PLG: variants seen among roughly 807,000 people sequenced by gnomAD.
PLG encodes the protein plasminogen.
PLG carries 41 observed loss-of-function variants against 104.4 expected under a neutral mutation model. The observed-to-expected ratio is 0.39, with a 90% CI of 0.31 to 0.51. PLG has a LOEUF of 0.51. Ranked by LOEUF, PLG falls within the 20% of genes least tolerant of loss-of-function variation. PLG has a pLI of 0.76. For missense variants in PLG, 891 were observed against 1,003.6 expected, an observed-to-expected ratio of 0.89 and a Z score of 1.52; for synonymous variants, 337 against 357.1, an observed-to-expected ratio of 0.94 and a Z score of 0.63.
At position 160,738,179 on chromosome 6, in the gene PLG, A is replaced by C. The variant is rs779814216; in HGVS notation, c.1803-359A>C. On this transcript the variant is annotated intron_variant, in intron 14 of 18. Coordinates refer to ENST00000308192, the MANE Select transcript of PLG (RefSeq NM_000301.5). This position sits in a 1 kb window ranked among gnomAD's most constrained non-coding sequence, Gnocchi z 6.8. ...TTACATAGATCTTGTCATAAAAATG[A>C]AAGAGGCCTCGGGGGAAGGTCTTGG... is the stretch of plus-strand genomic sequence containing the variant. Among the ~76,000 whole-genome samples, 2 of 152,196 alleles carry C rather than the reference A, an allele frequency of 1.3e-5. No individual in the cohort carries two copies. Among genetic ancestry groups the C allele is most frequent in the Non-Finnish European group, 2.9e-5 (2 of 68,038 alleles).
intron 10 of PLG, among the ~76,000 whole-genome samples, chr6:160,729,754 A>G (rs1261000848): frequency 6.6e-6 from 1 of 152,214 alleles, no homozygotes; most frequent in African/African-American, 2.4e-5. Context: ...TTGAATGAGC[A>G]GTGACACAGG....
rs761570407 is a variant in PLG at position 160,731,720 on chromosome 6, A to G, written c.1439-25A>G. ...ATCCTGGGTCTCTGTGGCTCTTCATAATCATCCATTTTTTCCCTGTACAGA... is the reference window on the plus strand; with the variant it reads ...ATCCTGGGTCTCTGTGGCTCTTCATGATCATCCATTTTTTCCCTGTACAGA... On this transcript the variant is annotated intron_variant, in intron 11 of 18. Transcript: ENST00000308192. The surrounding 1 kb of genome is among the most constrained non-coding windows in gnomAD (Gnocchi z 5.1). The G allele has an allele frequency of 6.2e-7, 1 of 1,611,570 alleles. No individual in the cohort carries two copies. The highest frequency in any genetic ancestry group is 2.2e-5 in the East Asian group (1 of 44,862).
intron 9 of PLG, among the ~76,000 whole-genome samples, chr6:160,720,842 CT>C (rs1386936859): frequency 6.6e-6 from 1 of 152,144 alleles, no homozygotes; most frequent in Non-Finnish European, 1.5e-5. Context: ...GTTTGGGATT[CT>C]AAGTACCCAC....
Position 160,744,390 on chromosome 6 carries a change from G to T in PLG, c.2125+2973G>T, listed in dbSNP as rs1402008416. The stretch of plus-strand genomic sequence containing the variant: ...ATTTCTTCCTGGTTCAGTCTTGGGA[G>T]GGTGTATGTGTCCAGGAATTTATCC... On this transcript the variant is annotated intron_variant, in intron 17 of 18. Transcript: ENST00000308192. This position sits in a 1 kb window ranked among gnomAD's most constrained non-coding sequence, Gnocchi z 4.5. 6.6e-6 allele frequency among the ~76,000 whole-genome samples: 1 copy of T among 152,146 alleles called. No individual in the cohort carries two copies. Among genetic ancestry groups the T allele is most frequent in the Non-Finnish European group, 1.5e-5 (1 of 68,026 alleles).
In PLG at chr6:160,739,830, CAA is replaced by C. The variant is rs2115180667; in HGVS notation, c.2018+624_2018+625del. Among the ~76,000 whole-genome samples the C allele has an allele frequency of 6.6e-6, 1 of 150,560 alleles. No individual in the cohort carries two copies. Among genetic ancestry groups the C allele is most frequent in the African/African-American group, 2.4e-5 (1 of 40,990 alleles). On this transcript the variant is annotated intron_variant, in intron 16 of 18. Coordinates refer to ENST00000308192, the MANE Select transcript of PLG (RefSeq NM_000301.5). The surrounding 1 kb of genome is among the most constrained non-coding windows in gnomAD (Gnocchi z 4.4). ...CAACTTCACAATGTCAAAAAAATCA[CAA>C]ATACAGTTTATAAATGTAAATTATA...
chr6:160,728,820 T>C (rs1291029062), intron 10 of PLG, among the ~76,000 whole-genome samples: 3 of 152,114 alleles, frequency 2.0e-5, no homozygotes, highest in South Asian at 2.1e-4. Flanking sequence ...GGAAAATATA[T>C]AATATTTTCA....
At chr6:160,727,532 A>G (rs574466895) in intron 10 of PLG, among the ~76,000 whole-genome samples, 6 of 151,854 alleles carry the variant, frequency 4.0e-5, no homozygotes, top group Admixed American at 1.3e-4. Context: ...TGTGAACATA[A>G]ATATAAAAAG....
At chr6:160,749,343 TATC>T (rs1433822028) in intron 17 of PLG, among the ~76,000 whole-genome samples, 42 of 141,738 alleles carry the variant, frequency 3.0e-4, no homozygotes, top group Non-Finnish European at 5.3e-4. Context: ...CCATCACAAT[TATC>T]ATTACCACCA....
Position 160,749,398 on chromosome 6 carries a change from A to C in PLG, c.2126-2717A>C, listed in dbSNP as rs552717322. ...CAACATCACCATCATCACTATCACCACCACCATCATCATCACTACCACTAC... is the reference window on the plus strand; with the variant it reads ...CAACATCACCATCATCACTATCACCCCCACCATCATCATCACTACCACTAC... On this transcript the variant is annotated intron_variant, in intron 17 of 18. Coordinates refer to ENST00000308192, the MANE Select transcript of PLG (RefSeq NM_000301.5). Among the ~76,000 whole-genome samples, 3 of 151,626 alleles carry C rather than the reference A, an allele frequency of 2.0e-5. No homozygotes were observed. The South Asian group carries it at 6.3e-4, about 32-fold the overall frequency.
chr6:160,751,963 T>C (rs1778409365), intron 17 of PLG, 152 bp from the exon 18 acceptor site: 1 of 708,634 alleles, frequency 1.4e-6, no homozygotes, highest in Non-Finnish European at 2.6e-6. Flanking sequence ...ATGTTTACAC[T>C]CTGCAGGGTC....
intron 12 of PLG, among the ~76,000 whole-genome samples, chr6:160,733,385 G>C (rs149056529): frequency 1.3e-5 from 2 of 152,242 alleles, no homozygotes; most frequent in Non-Finnish European, 2.9e-5. Context: ...CCTCCACTGG[G>C]TCAGGCTCCT....
Position 160,737,015 on chromosome 6 carries a change from C to G in PLG, c.1802+8C>G, listed in dbSNP as rs752913878. Reference sequence around the variant, plus strand: ...AGTCAGTCTTAGAACAAGGTAAGAACAGGCCCAGAAACGATTTATACTGTC... The same window carrying G: ...AGTCAGTCTTAGAACAAGGTAAGAAGAGGCCCAGAAACGATTTATACTGTC... On this transcript the variant is annotated splice_region_variant and intron_variant, in intron 14 of 18. Coordinates refer to ENST00000308192, the MANE Select transcript of PLG (RefSeq NM_000301.5). This position sits in a 1 kb window ranked among gnomAD's most constrained non-coding sequence, Gnocchi z 4.7. 6.2e-7 allele frequency: 1 copy of G among 1,612,560 alleles called. No individual in the cohort carries two copies. The highest frequency in any genetic ancestry group is 2.2e-5 in the East Asian group (1 of 44,856).
At chr6:160,711,803 G>C in intron 4 of PLG, 1 of 1,536,194 alleles carries the variant, frequency 6.5e-7, no homozygotes. Flanking sequence ...TATCAGGTTA[G>C]AACTCTCATC....
In PLG at chr6:160,731,010, T is replaced by C. The variant is rs1157708388; in HGVS notation, c.1257-41T>C. 1.9e-6 allele frequency: 3 copies of C among 1,599,444 alleles called. No individual in the cohort carries two copies. In the East Asian group the frequency reaches 6.7e-5, roughly 36 times the overall value. On this transcript the variant is annotated intron_variant, in intron 10 of 18. Coordinates refer to ENST00000308192, the MANE Select transcript of PLG (RefSeq NM_000301.5). This position sits in a 1 kb window ranked among gnomAD's most constrained non-coding sequence, Gnocchi z 5.1. Reference sequence around the variant, plus strand: ...GAGGGTGCTGGGTGCCCCTGAATATTCTCCCACCTCTTGTGACCTGTATTG... The same window carrying C: ...GAGGGTGCTGGGTGCCCCTGAATATCCTCCCACCTCTTGTGACCTGTATTG...
chr6:160,748,450 AGGG>A (rs1483638206), intron 17 of PLG, among the ~76,000 whole-genome samples: 37 of 4,852 alleles, frequency 7.6e-3, no homozygotes, highest in African/African-American at 0.034. Context: ...GAAGGGAGGG[AGGG>A]AGGGAGGGAG....
At chr6:160,714,737 G>C in intron 5 of PLG, 57 bp from the exon 6 acceptor site, 1 of 1,585,494 alleles carries the variant, frequency 6.3e-7, no homozygotes, top group South Asian at 1.1e-5. Flanking sequence ...TCTCTATTTT[G>C]CTTCATCCAT....
chr6:160,710,230 C>T (rs1408543317), intron 3 of PLG, among the ~76,000 whole-genome samples: 8 of 152,198 alleles, frequency 5.3e-5, no homozygotes, highest in Non-Finnish European at 5.9e-5. Context: ...CATGTTTCAA[C>T]TTGTTAAAAA....
Position 160,744,452 on chromosome 6 carries a change from T to C in PLG, c.2125+3035T>C, listed in dbSNP as rs1778246614. ...GTTTTCTAGTTTGTGTGCATGGAGC[T>C]GTTTGTAGTAGTTTCTGATGGTTAT... On this transcript the variant is annotated intron_variant, in intron 17 of 18. Transcript: ENST00000308192. This position sits in a 1 kb window ranked among gnomAD's most constrained non-coding sequence, Gnocchi z 4.5. Among the ~76,000 whole-genome samples the C allele has an allele frequency of 6.6e-6, 1 of 152,358 alleles. No individual in the cohort carries two copies. Among genetic ancestry groups the C allele is most frequent in the East Asian group, 1.9e-4 (1 of 5,188 alleles).
At chr6:160,745,858 C>T (rs886616700) in intron 17 of PLG, among the ~76,000 whole-genome samples, 1 of 152,192 alleles carries the variant, frequency 6.6e-6, no homozygotes, top group African/African-American at 2.4e-5. Context: ...ATTTGCTTAG[C>T]TGAAAATGAT....
Sources: allele counts gnomAD v4.1 joint callset (sites outside exome capture counted in the v4.1 genomes callset), GRCh38; gene constraint gnomAD v4.1.1; non-coding constraint Gnocchi (gnomAD v3.1); transcripts MANE v1.5; gene names NCBI Gene and HGNC (gene_info 2026-07-23, HGNC 2026-07-21).